Variants in ZGPAT observed in about 807,000 individuals in gnomAD.
ZGPAT encodes zinc finger CCCH-type and G-patch domain containing.
Under a neutral mutation model 47.9 loss-of-function variants are expected in ZGPAT, and 39 were observed. The observed-to-expected ratio is 0.81, with a 90% CI of 0.63 to 1.06. ZGPAT has a LOEUF of 1.06. ZGPAT is among the 50% of genes least tolerant of loss of function. The probability of loss-of-function intolerance (pLI) is 0.00; values close to 1 mark genes in which losing one functional copy is unlikely to be tolerated. For synonymous variants in ZGPAT, 348 were observed against 292.9 expected (o/e 1.19, Z -1.92); for missense variants, 717 against 681.4 (o/e 1.05, Z -0.58).
At chr20:63,727,482 G>C (rs1162041479) in intron 2 of ZGPAT, among the ~76,000 whole-genome samples, 1 of 151,574 alleles carries the variant, frequency 6.6e-6, no homozygotes, top group East Asian at 1.9e-4. Context: ...CCTCAGGTGA[G>C]GCACATGGTG....
At chr20:63,722,521 A>G (rs1428235982) in intron 2 of ZGPAT, among the ~76,000 whole-genome samples, 1 of 152,096 alleles carries the variant, frequency 6.6e-6, no homozygotes, top group Non-Finnish European at 1.5e-5. Context: ...TCTGTTGCTG[A>G]ATTTTTAGCT....
intron 2 of ZGPAT, among the ~76,000 whole-genome samples, chr20:63,728,419 A>AGG (rs1161947664): frequency 6.6e-6 from 1 of 152,148 alleles, no homozygotes; most frequent in Non-Finnish European, 1.5e-5. Context: ...TTTGGGCAAG[A>AGG]GGGTGTGCTC....
intron 2 of ZGPAT, among the ~76,000 whole-genome samples, chr20:63,714,413 A>G (rs1187605758): frequency 8.1e-6 from 1 of 124,026 alleles, no homozygotes; most frequent in Non-Finnish European, 1.7e-5. Flanking sequence ...ACGACAGAGC[A>G]AGAACCCTGT....
chr20:63,708,613 G>T lies in ZGPAT; in HGVS notation c.33G>T (p.Gln11His). The T allele has an allele frequency of 6.2e-7, 1 of 1,609,894 alleles. No individual in the cohort carries two copies. Among genetic ancestry groups the T allele is most frequent in the South Asian group, 1.1e-5 (1 of 90,906 alleles). The change falls in exon 2 of 7, where the codon CAG becomes CAT. Residue 11 changes from glutamine to histidine, a missense_variant. Transcript: ENST00000355969. Reference sequence around the variant, plus strand: ...AGGAGAGCCTGGAGTCGGCCTTGCAGACCTACCGTGCGCAGCTGCAGCAGG... The same window carrying T: ...AGGAGAGCCTGGAGTCGGCCTTGCATACCTACCGTGCGCAGCTGCAGCAGG... The part of the protein sequence containing the change: MDEESLESAL[Q>H]TYRAQLQQVE...
rs1202609935 is a variant in ZGPAT, at chr20:63,735,999, GGCCGGCCT to G, written c.*83_*90del. 15 of 1,547,766 alleles carry G rather than the reference GGCCGGCCT, an allele frequency of 9.7e-6. No individual in the cohort carries two copies. The highest frequency in any genetic ancestry group is 5.6e-5 in the Admixed American group (3 of 53,382). ...GGAAGACCAGTGTTGCCCGAGGAGG[GGCCGGCCT>G]GCTGGCCTGGGGCGTGCAGACACTG... On this transcript the variant is annotated 3_prime_UTR_variant, in exon 7 of 7. Transcript: ENST00000355969.
chr20:63,721,196 A>G (rs2091783579), intron 2 of ZGPAT, among the ~76,000 whole-genome samples: 2 of 152,010 alleles, frequency 1.3e-5, no homozygotes, highest in African/African-American at 4.8e-5. Flanking sequence ...TACTAAAAAT[A>G]CAAAAATTAA....
Position 63,733,346 on chromosome 20 carries a change from A to C in ZGPAT, c.712A>C (p.Ile238Leu), listed in dbSNP as rs751737983. 1 of 1,611,244 alleles carries C rather than the reference A, an allele frequency of 6.2e-7. No homozygotes were observed. Among genetic ancestry groups the C allele is most frequent in the Non-Finnish European group, 8.5e-7 (1 of 1,179,632 alleles). ...GGATGGCCTCTGGCACGCAGCACGC[A>C]TCACCGGTGAGGCTGGCCGTGGGGG... ...HQDGLWHAAR[I>L]TDVDNGYYTV... Residue 238 changes from isoleucine (I) to leucine (L), a missense_variant, in exon 3 of 7, where the codon ATC (isoleucine) becomes CTC (leucine). Physicochemically the swap from Ile to Leu is conservative, Grantham distance 5. Coordinates refer to ENST00000355969, the MANE Select transcript of ZGPAT (RefSeq NM_181485.3).
chr20:63,735,740 A>G, intron 6 of ZGPAT, 41 bp from the exon 7 acceptor site: 1 of 1,561,848 alleles, frequency 6.4e-7, no homozygotes, highest in Non-Finnish European at 8.7e-7. Context: ...GGTTGGTGGC[A>G]TGGCCCAGGA....
At chr20:63,724,988 T>A (rs1472097955) in intron 2 of ZGPAT, among the ~76,000 whole-genome samples, 1 of 149,690 alleles carries the variant, frequency 6.7e-6, no homozygotes, top group African/African-American at 2.5e-5. Context: ...GAATTTCTTT[T>A]TTTTTTTTTT....
intron 2 of ZGPAT, among the ~76,000 whole-genome samples, chr20:63,710,178 A>T (rs2091650126): frequency 9.0e-6 from 1 of 111,300 alleles, no homozygotes; most frequent in Non-Finnish European, 1.8e-5. Context: ...TTGGAGACAG[A>T]GTTTCACTCT....
intron 2 of ZGPAT, among the ~76,000 whole-genome samples, chr20:63,718,273 C>G (rs2738758): frequency 0.2 from 30,413 of 151,884 alleles, 3,948 homozygotes; most frequent in East Asian, 0.62. Flanking sequence ...TCGACTTACT[C>G]GTTATTCAAG....
At chr20:63,714,773 G>A (rs1325048341) in intron 2 of ZGPAT, among the ~76,000 whole-genome samples, 1 of 151,896 alleles carries the variant, frequency 6.6e-6, no homozygotes, top group Non-Finnish European at 1.5e-5. Flanking sequence ...CTCCTGAGTA[G>A]GTGAGACTAC....
chr20:63,722,408 A>G (rs1029783442), intron 2 of ZGPAT, among the ~76,000 whole-genome samples: 1 of 151,198 alleles, frequency 6.6e-6, no homozygotes, highest in Admixed American at 6.6e-5. Flanking sequence ...TGACAGCTGA[A>G]TAGAAAAAAG....
intron 2 of ZGPAT, among the ~76,000 whole-genome samples, chr20:63,726,199 A>G (rs913654768): frequency 2.0e-5 from 1 of 51,154 alleles, no homozygotes; most frequent in Admixed American, 2.5e-4. Flanking sequence ...GAGTACATCT[A>G]ATTAATTTTT....
chr20:63,721,393 C>G (rs1332331927), intron 2 of ZGPAT, among the ~76,000 whole-genome samples: 2 of 151,912 alleles, frequency 1.3e-5, no homozygotes, highest in African/African-American at 4.8e-5. Flanking sequence ...TGTCTTCCAT[C>G]CTTTCCAGGT....
chr20:63,710,068 G>A (rs1246690495), intron 2 of ZGPAT, among the ~76,000 whole-genome samples: 1 of 151,862 alleles, frequency 6.6e-6, no homozygotes, highest in Non-Finnish European at 1.5e-5. Flanking sequence ...CACCATGTTA[G>A]CCAGGATGGT....
chr20:63,721,092 C>T (rs1016451744), intron 2 of ZGPAT, among the ~76,000 whole-genome samples: 2 of 152,126 alleles, frequency 1.3e-5, no homozygotes, highest in African/African-American at 4.8e-5. Flanking sequence ...TGGCTCACGC[C>T]TGTAATGCTA....
intron 2 of ZGPAT, among the ~76,000 whole-genome samples, chr20:63,716,693 T>C (rs942356281): frequency 1.3e-5 from 2 of 152,090 alleles, no homozygotes; most frequent in African/African-American, 2.4e-5. Flanking sequence ...TTTTGTTTTT[T>C]TGTTTTTGAG....
In ZGPAT at chr20:63,735,291, C is replaced by T. The variant is rs370604942; in HGVS notation, c.1124C>T (p.Pro375Leu). The change falls in exon 6 of 7, where the codon CCC becomes CTC. Residue 375 changes from proline to leucine, a missense_variant. Coordinates refer to ENST00000355969, the MANE Select transcript of ZGPAT (RefSeq NM_181485.3). Reference sequence around the variant, plus strand: ...GTTGGCAAGGCTGGCACCAACAAGCCCCCCAGGTGCCGGGGAAGAGGGGCC... The same window carrying T: ...GTTGGCAAGGCTGGCACCAACAAGCTCCCCAGGTGCCGGGGAAGAGGGGCC... ...TRVGKAGTNK[P>L]PRCRGRGARP... The T allele has an allele frequency of 4.1e-5, 65 of 1,603,662 alleles. No homozygotes were observed. The highest frequency in any genetic ancestry group is 1.3e-4 in the East Asian group (6 of 44,638).
Sources: allele counts gnomAD v4.1 joint callset (sites outside exome capture counted in the v4.1 genomes callset), GRCh38; gene constraint gnomAD v4.1.1; transcripts MANE v1.5; gene names NCBI Gene and HGNC (gene_info 2026-07-23, HGNC 2026-07-21).